CAPN14: variants seen among roughly 807,000 people sequenced by gnomAD.
CAPN14 encodes the protein calpain-14.
Under a neutral mutation model 101.3 loss-of-function variants are expected in CAPN14, and 94 were observed. The ratio of observed to expected loss-of-function variants is 0.93; its 90% CI spans 0.79 to 1.10. The LOEUF is 1.10. Ranked by LOEUF, CAPN14 falls within the 50% of genes least tolerant of loss-of-function variation. CAPN14 has a pLI of 0.00. For synonymous variants in CAPN14, 338 were observed against 317.9 expected, an observed-to-expected ratio of 1.06 and a Z score of -0.67; for missense variants, 837 against 828.4, an observed-to-expected ratio of 1.01 and a Z score of -0.13.
intron 2 of CAPN14, among the ~76,000 whole-genome samples, chr2:31,203,409 A>C (rs2148691839): frequency 6.6e-6 from 1 of 152,320 alleles, no homozygotes; most frequent in Middle Eastern, 3.4e-3. Flanking sequence ...GCCTTTTCTT[A>C]GAGTTTCTAT....
At chr2:31,179,136 C>T (rs1329879358) in intron 17 of CAPN14, among the ~76,000 whole-genome samples, 2 of 142,316 alleles carry the variant, frequency 1.4e-5, no homozygotes, top group African/African-American at 5.2e-5. Flanking sequence ...AGGTTTGTTA[C>T]ATAGGTATAC....
In CAPN14 at chr2:31,182,867, C is replaced by T. The variant is rs1250151293; in HGVS notation, c.1646-1867G>A. Among the ~76,000 whole-genome samples the T allele has an allele frequency of 6.8e-3, 1,034 of 151,516 alleles. 9 individuals are homozygous for T. The highest frequency in any genetic ancestry group is 0.013 in the East Asian group (69 of 5,160). Reference sequence around the variant, plus strand: ...GTTCACATGGAACCAAAAAAGAGCCCGCATCGCCAAGTCAATCCTAAGCCA... The same window carrying T: ...GTTCACATGGAACCAAAAAAGAGCCTGCATCGCCAAGTCAATCCTAAGCCA... On this transcript the variant is annotated intron_variant, in intron 16 of 21. Transcript: ENST00000403897.
Position 31,216,703 on chromosome 2 carries a change from T to C in CAPN14, c.-53+753A>G, listed in dbSNP as rs183199335. On this transcript the variant is annotated intron_variant, in intron 1 of 21. Transcript: ENST00000403897. ...AAAACATTGTCACCCTGTGCCTCCATAGGAGAGGGTTATAAGCTGAACTGA... is the reference window on the plus strand; with the variant it reads ...AAAACATTGTCACCCTGTGCCTCCACAGGAGAGGGTTATAAGCTGAACTGA... Among the ~76,000 whole-genome samples, 1,081 of 152,064 alleles carry C rather than the reference T, an allele frequency of 7.1e-3. 9 individuals are homozygous for C. Among genetic ancestry groups the C allele is most frequent in the East Asian group, 0.014 (72 of 5,150 alleles).
intron 12 of CAPN14, among the ~76,000 whole-genome samples, chr2:31,190,267 G>C (rs1426479406): frequency 6.6e-6 from 1 of 151,820 alleles, no homozygotes; most frequent in Non-Finnish European, 1.5e-5. Flanking sequence ...CCCATACCAG[G>C]ATCCTCTCTC....
Position 31,173,532 on chromosome 2 carries a change from T to C in CAPN14, c.*1149A>G, listed in dbSNP as rs1680149437. ...TAACTAAAATGCTTGGGACCAGAAG[T>C]GTTTCAGATTTCAGGATATCTGCAT... is the stretch of plus-strand genomic sequence containing the variant. On this transcript the variant is annotated 3_prime_UTR_variant, in exon 22 of 22. Coordinates refer to ENST00000403897, the MANE Select transcript of CAPN14 (RefSeq NM_001145122.2). 1.3e-5 allele frequency: 2 copies of C among 152,194 alleles called. No homozygotes were observed. The highest frequency in any genetic ancestry group is 4.1e-4 in the South Asian group (2 of 4,824). The allele number at this position is 152,194 out of a possible 1,614,324, so 9.4% of individuals were successfully genotyped here.
In CAPN14 at chr2:31,181,390, CTTTCTTTTTTTCTTTCTTTCTT is replaced by C. The variant is rs1558612277; in HGVS notation, c.1646-412_1646-391del. ...AGGTTTCTTTCTCTTTTCTTTTTTT[CTTTCTTTTTTTCTTTCTTTCTT>C]TCTTTCTTTCTTTCTTTCTTTCTTT... On this transcript the variant is annotated intron_variant, in intron 16 of 21. Coordinates refer to ENST00000403897, the MANE Select transcript of CAPN14 (RefSeq NM_001145122.2). Among the ~76,000 whole-genome samples the C allele has an allele frequency of 3.7e-4, 50 of 136,162 alleles. 1 individual carries two copies. The highest frequency in any genetic ancestry group is 1.0e-3 in the African/African-American group (36 of 34,726). The allele number at this position is 136,162 out of a possible 152,430, so 89.3% of individuals were successfully genotyped here.
At chr2:31,209,866 C>A (rs545975276) in intron 1 of CAPN14, among the ~76,000 whole-genome samples, 1 of 152,004 alleles carries the variant, frequency 6.6e-6, no homozygotes, top group Non-Finnish European at 1.5e-5. Context: ...CAAATCAGAG[C>A]TACTTGGCCT....
chr2:31,182,447 GC>G (rs1483733990), intron 16 of CAPN14, among the ~76,000 whole-genome samples: 6 of 141,948 alleles, frequency 4.2e-5, no homozygotes, highest in Non-Finnish European at 6.0e-5. Flanking sequence ...CATTCTCTCA[GC>G]CCAAAATCTC....
At position 31,201,956 on chromosome 2, in the gene CAPN14, G is replaced by A. The variant is rs548582330; in HGVS notation, c.457C>T (p.Arg153Cys). ...TGGCCAGCCTCATTCACAGGCAGAC[G>A]GTCATCGATCACCACAGGAACCCAG... ...GNWVPVVIDD[R>C]LPVNEAGQLV... The change falls in exon 5 of 22, where the codon CGT becomes TGT. Residue 153 changes from arginine (R) to cysteine (C), a missense_variant. Arg to Cys is a radical substitution (Grantham distance 180). Coordinates refer to ENST00000403897, the MANE Select transcript of CAPN14 (RefSeq NM_001145122.2). The A allele has an allele frequency of 2.6e-6, 4 of 1,551,728 alleles. No homozygotes were observed. The highest frequency in any genetic ancestry group is 2.7e-5 in the African/African-American group (2 of 73,172).
At chr2:31,192,164 C>T in intron 10 of CAPN14, 66 bp from the exon 11 acceptor site, 2 of 1,465,744 alleles carry the variant, frequency 1.4e-6, no homozygotes, top group South Asian at 2.8e-5. Flanking sequence ...TGCCGAACCA[C>T]TAAGAGGTGA....
At position 31,188,079 on chromosome 2, in the gene CAPN14, C is replaced by T. The variant is rs1680995574; in HGVS notation, c.1530+239G>A. Among the ~76,000 whole-genome samples the T allele has an allele frequency of 5.9e-5, 9 of 152,312 alleles. No individual in the cohort carries two copies. The South Asian group carries it at 1.9e-3, about 32-fold the overall frequency. ...AATGTAGAGATGTAGCTCATACTGC[C>T]GGGGTTCTGGACCCTCAGTGACAAG... On this transcript the variant is annotated intron_variant, in intron 14 of 21. Transcript: ENST00000403897.
intron 15 of CAPN14, among the ~76,000 whole-genome samples, chr2:31,186,841 C>G (rs762563911): frequency 6.6e-6 from 1 of 152,144 alleles, no homozygotes; most frequent in Admixed American, 6.5e-5. Context: ...AAGTATCAAA[C>G]ATCTGAATTT....
intron 21 of CAPN14, 82 bp from the exon 22 acceptor site, chr2:31,174,789 C>G: frequency 1.5e-6 from 2 of 1,321,938 alleles, no homozygotes; most frequent in Non-Finnish European, 2.1e-6. Context: ...TCCTGGGGAG[C>G]CATGGAGACA....
At position 31,232,440 on chromosome 2, in the gene CAPN14, G is replaced by A. The variant is rs567179036; in HGVS notation, c.-177+1351C>T. On this transcript the variant is annotated intron_variant and NMD_transcript_variant, in intron 1 of 21. Coordinates refer to the CAPN14 transcript ENST00000398824. ...AAATGGTCTCTTGGCCTCTGTATTC[G>A]TCTGTTTTCACACTGCTGTGAAGAA... Among the ~76,000 whole-genome samples the A allele has an allele frequency of 4.6e-5, 7 of 152,224 alleles. No individual in the cohort carries two copies. The South Asian group carries it at 1.2e-3, about 27-fold the overall frequency.
intron 2 of CAPN14, among the ~76,000 whole-genome samples, chr2:31,224,599 G>A (rs1682966449): frequency 6.6e-6 from 1 of 151,648 alleles, no homozygotes; most frequent in Admixed American, 6.6e-5. Flanking sequence ...AACCAACATA[G>A]TATTAATAAA....
chr2:31,218,243 C>T (rs982742850), upstream of CAPN14, among the ~76,000 whole-genome samples: 1 of 150,606 alleles, frequency 6.6e-6, no homozygotes, highest in Non-Finnish European at 1.5e-5. Context: ...ACCCCCACCC[C>T]CAAATCCTTC....
At chr2:31,200,037 CTT>C (rs1047457631) in intron 6 of CAPN14, among the ~76,000 whole-genome samples, 19 of 152,248 alleles carry the variant, frequency 1.2e-4, no homozygotes, top group African/African-American at 4.6e-4. Flanking sequence ...GAATCTCTCT[CTT>C]GTTGCCCAGG....
chr2:31,201,920 C>T lies in CAPN14; in HGVS notation c.493G>A (p.Val165Ile). ...AACAAGTTCTTATAGGTGGAGGAGACAAAGACCAGCTGGCCAGCCTCATTC... is the reference window on the plus strand; with the variant it reads ...AACAAGTTCTTATAGGTGGAGGAGATAAAGACCAGCTGGCCAGCCTCATTC... ...PVNEAGQLVF[V>I]SSTYKNLFWG... The change falls in exon 5 of 22, where the codon GTC (valine) becomes ATC (isoleucine). Residue 165 changes from valine to isoleucine, a missense_variant. Coordinates refer to ENST00000403897, the MANE Select transcript of CAPN14 (RefSeq NM_001145122.2). 1 of 1,551,718 alleles carries T rather than the reference C, an allele frequency of 6.4e-7. No homozygotes were observed. Among genetic ancestry groups the T allele is most frequent in the Non-Finnish European group, 8.7e-7 (1 of 1,147,004 alleles).
upstream of CAPN14, among the ~76,000 whole-genome samples, chr2:31,220,208 G>A (rs929333106): frequency 6.6e-6 from 1 of 152,036 alleles, no homozygotes; most frequent in Admixed American, 6.5e-5. Context: ...AAAAAATCCA[G>A]TTGAGGAATA....
Sources: allele counts gnomAD v4.1 joint callset (sites outside exome capture counted in the v4.1 genomes callset), GRCh38; gene constraint gnomAD v4.1.1; transcripts MANE v1.5; gene names NCBI Gene and HGNC (gene_info 2026-07-23, HGNC 2026-07-21).